TRPM3: variants seen among roughly 807,000 people sequenced by gnomAD.
TRPM3 encodes transient receptor potential cation channel subfamily M member 3.
TRPM3 carries 77 observed loss-of-function variants against 181.2 expected under a neutral mutation model. That is an observed-to-expected ratio of 0.42 (90% CI 0.35 to 0.51). The LOEUF is 0.51. TRPM3 is among the 20% of genes least tolerant of loss of function. The pLI is 0.01. For missense variants in TRPM3, 1,759 were observed against 2,196.7 expected, an observed-to-expected ratio of 0.80 and a Z score of 3.98; for synonymous variants, 745 against 796.4, an observed-to-expected ratio of 0.94 and a Z score of 1.09.
intron 1 of TRPM3, among the ~76,000 whole-genome samples, chr9:70,927,259 T>C (rs1297623252): frequency 6.6e-6 from 1 of 152,212 alleles, no homozygotes; most frequent in Non-Finnish European, 1.5e-5. Flanking sequence ...TAAATTTTTA[T>C]GGAAATTCAA....
chr9:71,236,122 G>A (rs1366152982), intron 1 of TRPM3, among the ~76,000 whole-genome samples: 1 of 152,020 alleles, frequency 6.6e-6, no homozygotes, highest in African/African-American at 2.4e-5. Context: ...CCACTGCCAG[G>A]GATACGTAAA....
At chr9:71,302,371 A>G (rs2086860594) in intron 1 of TRPM3, among the ~76,000 whole-genome samples, 2 of 152,342 alleles carry the variant, frequency 1.3e-5, no homozygotes, top group South Asian at 2.1e-4. Flanking sequence ...TACCTAATTG[A>G]TATGAAAGTC....
At chr9:71,370,849 G>T (rs1437978853) in intron 1 of TRPM3, among the ~76,000 whole-genome samples, 1 of 152,168 alleles carries the variant, frequency 6.6e-6, no homozygotes, top group Non-Finnish European at 1.5e-5. Flanking sequence ...AGTTTCAAAA[G>T]ACTGGCTGAC....
chr9:71,187,744 T>A (rs1250251051), intron 1 of TRPM3, among the ~76,000 whole-genome samples: 1 of 151,916 alleles, frequency 6.6e-6, no homozygotes, highest in African/African-American at 2.4e-5. Flanking sequence ...AGCTGGCCAC[T>A]CCTAATTTTG....
At chr9:71,178,653 T>C (rs1454326103) in intron 1 of TRPM3, among the ~76,000 whole-genome samples, 1 of 152,138 alleles carries the variant, frequency 6.6e-6, no homozygotes, top group African/African-American at 2.4e-5. Context: ...TTAGAAGATA[T>C]TTAAAGAAGT....
At position 71,287,237 on chromosome 9, in the gene TRPM3, T is replaced by C. The variant is rs141737056; in HGVS notation, c.183+159416A>G. The stretch of plus-strand genomic sequence containing the variant: ...TTTACCATCTAATTTGAGAAATACA[T>C]TGTGTAAGAGAAACAATACCTGTAT... On this transcript the variant is annotated intron_variant, in intron 1 of 24. Coordinates refer to the TRPM3 transcript ENST00000357533. Among the ~76,000 whole-genome samples the C allele has an allele frequency of 8.1e-3, 1,220 of 150,962 alleles. 18 individuals carry two copies. The highest frequency in any genetic ancestry group is 0.028 in the African/African-American group (1,141 of 41,210).
intron 1 of TRPM3, among the ~76,000 whole-genome samples, chr9:71,317,695 G>A (rs540246343): frequency 1.3e-5 from 2 of 149,642 alleles, no homozygotes; most frequent in African/African-American, 2.5e-5. Context: ...ACACACACAC[G>A]CGCACACGCG....
chr9:71,203,997 C>T lies in TRPM3; in HGVS notation c.183+242656G>A, dbSNP rs537332055. Among the ~76,000 whole-genome samples the T allele has an allele frequency of 1.5e-4, 23 of 152,152 alleles. No individual in the cohort carries two copies. In the South Asian group the frequency reaches 4.8e-3, roughly 32 times the overall value. On this transcript the variant is annotated intron_variant, in intron 1 of 24. Transcript: ENST00000357533. ...TACTTAATAAATGGTGCTGGGAAAA[C>T]TGGCTAGCCATATGTAGAAAGCTGA...
At chr9:71,210,524 A>T (rs2079426311) in intron 1 of TRPM3, among the ~76,000 whole-genome samples, 1 of 152,114 alleles carries the variant, frequency 6.6e-6, no homozygotes, top group Admixed American at 6.5e-5. Flanking sequence ...AGCATTTCTC[A>T]GTCCTATACT....
At chr9:70,807,568 A>G (rs1031605055) in intron 6 of TRPM3, among the ~76,000 whole-genome samples, 2 of 152,208 alleles carry the variant, frequency 1.3e-5, no homozygotes, top group Non-Finnish European at 2.9e-5. Flanking sequence ...AGGGAAATCA[A>G]ACAGTGATGC....
chr9:71,144,655 C>A (rs1168434773), intron 1 of TRPM3, among the ~76,000 whole-genome samples: 1 of 152,096 alleles, frequency 6.6e-6, no homozygotes, highest in Non-Finnish European at 1.5e-5. Context: ...TATATATAAT[C>A]CTTACTTGAC....
intron 1 of TRPM3, among the ~76,000 whole-genome samples, chr9:71,382,666 A>G (rs199737827): frequency 6.7e-6 from 1 of 150,334 alleles, no homozygotes; most frequent in African/African-American, 2.4e-5. Context: ...GAAGAGCAAT[A>G]TAACTTTTAT....
At chr9:70,618,832 C>A in intron 17 of TRPM3, 35 bp downstream of exon 17, 1 of 1,586,012 alleles carries the variant, frequency 6.3e-7, no homozygotes, top group Non-Finnish European at 8.6e-7. Context: ...CCCGCCGGTC[C>A]TCATAGCCAG....
chr9:70,844,470 CA>C (rs2094861711), intron 4 of TRPM3, among the ~76,000 whole-genome samples: 1 of 151,924 alleles, frequency 6.6e-6, no homozygotes, highest in South Asian at 2.1e-4. Flanking sequence ...AGACCCGAAC[CA>C]AAAAACAACA....
At chr9:71,170,704 C>T (rs10746863) in intron 1 of TRPM3, among the ~76,000 whole-genome samples, 147,755 of 152,254 alleles carry the variant, frequency 0.97, 71,793 homozygotes, top group East Asian at 1. Flanking sequence ...TGCCTGTCTT[C>T]ACTTTAATCT....
intron 1 of TRPM3, among the ~76,000 whole-genome samples, chr9:70,909,553 T>C (rs974331339): frequency 6.6e-6 from 1 of 151,822 alleles, no homozygotes; most frequent in Non-Finnish European, 1.5e-5. Context: ...GGTTGGGCTG[T>C]CCATTGAGCA....
chr9:70,593,757 T>C (rs1171909638), intron 21 of TRPM3, among the ~76,000 whole-genome samples: 3 of 151,450 alleles, frequency 2.0e-5, no homozygotes, highest in Non-Finnish European at 4.4e-5. Context: ...AGCTAAATTA[T>C]CCAGTCGGTT....
At chr9:70,551,210 C>G (rs766242688) in intron 24 of TRPM3, among the ~76,000 whole-genome samples, 19 of 152,212 alleles carry the variant, frequency 1.2e-4, no homozygotes, top group Non-Finnish European at 2.8e-4. Flanking sequence ...TCTGCCAGAA[C>G]TTGGCAGTGC....
intron 1 of TRPM3, among the ~76,000 whole-genome samples, chr9:71,152,787 A>T (rs1178891179): frequency 6.6e-6 from 1 of 152,142 alleles, no homozygotes; most frequent in Non-Finnish European, 1.5e-5. Context: ...AAATGAAAAC[A>T]TGATTCCCAG....
Sources: allele counts gnomAD v4.1 joint callset (sites outside exome capture counted in the v4.1 genomes callset), GRCh38; gene constraint gnomAD v4.1.1; transcripts MANE v1.5; gene names NCBI Gene and HGNC (gene_info 2026-07-23, HGNC 2026-07-21).